The following NFYA variants were observed in gnomAD, a reference collection of about 807,000 sequenced individuals.
NFYA encodes the protein nuclear transcription factor Y subunit alpha, also known as CAAT-box DNA binding protein subunit A.
Under a neutral mutation model 52.8 loss-of-function variants are expected in NFYA, and 28 were observed. That is an observed-to-expected ratio of 0.53 (90% CI 0.39 to 0.73). The LOEUF (loss-of-function observed/expected upper bound fraction) is 0.73. NFYA is among the 30% of genes least tolerant of loss of function. NFYA has a pLI of 0.00. For missense variants in NFYA, 234 were observed against 427.0 expected (o/e 0.55, Z 3.98); for synonymous variants, 150 against 150.7 (o/e 1.00, Z 0.03).
At position 41,084,102 on chromosome 6, in the gene NFYA, T is replaced by C. The variant is rs774699992; in HGVS notation, c.219T>C (p.Thr73=). The change falls in exon 4 of 10, where the codon ACT becomes ACC. Residue 73 remains threonine, a synonymous_variant. Transcript: ENST00000341376. ...GTGGAGGCCAGCTAATCACATCAACTGGCCAACCCATCATGGTCCAGGCTG... is the reference window on the plus strand; with the variant it reads ...GTGGAGGCCAGCTAATCACATCAACCGGCCAACCCATCATGGTCCAGGCTG... The part of the protein sequence containing the change: ...QVSGGQLITS[T]GQPIMVQAVP... 1 of 1,614,184 alleles carries C rather than the reference T, an allele frequency of 6.2e-7. No individual in the cohort carries two copies. The highest frequency in any genetic ancestry group is 8.5e-7 in the Non-Finnish European group (1 of 1,180,028).
In NFYA at chr6:41,079,014, C is replaced by G; in HGVS notation, c.-61-15C>G. 7.5e-7 allele frequency: 1 copy of G among 1,342,186 alleles called. No individual in the cohort carries two copies. Among genetic ancestry groups the G allele is most frequent in the Non-Finnish European group, 1.1e-6 (1 of 946,238 alleles). The allele number at this position is 1,342,186 out of a possible 1,614,324, so 83.1% of individuals were successfully genotyped here. On this transcript the variant is annotated splice_polypyrimidine_tract_variant and intron_variant, in intron 1 of 9. Transcript: ENST00000341376. The stretch of plus-strand genomic sequence containing the variant: ...GACAATCTCACTTTAGTTTCTTTCC[C>G]CACCTTTCTAACAGGAGTGTACCTC...
chr6:41,084,651 T>C (rs1763992938), intron 4 of NFYA, among the ~76,000 whole-genome samples: 2 of 152,266 alleles, frequency 1.3e-5, no homozygotes, highest in South Asian at 4.1e-4. Flanking sequence ...AAAACAAAAG[T>C]AAGCAAAGAT....
chr6:41,083,057 A>G (rs946442113), intron 3 of NFYA, among the ~76,000 whole-genome samples: 2 of 152,252 alleles, frequency 1.3e-5, no homozygotes, highest in African/African-American at 4.8e-5. Context: ...TATTTCAGTC[A>G]TGAATATTCT....
chr6:41,079,962 C>T (rs1474937401), intron 2 of NFYA, among the ~76,000 whole-genome samples: 1 of 152,208 alleles, frequency 6.6e-6, no homozygotes, highest in Admixed American at 6.5e-5. Context: ...CCCTTCCATA[C>T]AGCTGCTGTG....
chr6:41,082,891 A>T (rs754162058), intron 3 of NFYA, among the ~76,000 whole-genome samples: 6 of 152,186 alleles, frequency 3.9e-5, no homozygotes, highest in Non-Finnish European at 8.8e-5. Flanking sequence ...TTAGGATTTC[A>T]ATGTTCCTGG....
intron 4 of NFYA, 95 bp downstream of exon 4, chr6:41,084,287 A>G: frequency 7.2e-7 from 1 of 1,396,118 alleles, no homozygotes. Context: ...ATTGCATTTA[A>G]CTGCTTCCTA....
At chr6:41,094,353 C>T (rs1764289273) in intron 8 of NFYA, 43 bp from the exon 9 acceptor site, 19 of 1,543,300 alleles carry the variant, frequency 1.2e-5, no homozygotes, top group Non-Finnish European at 1.5e-5. Flanking sequence ...TGTGCTGGTT[C>T]TGGATAGTAT....
rs1297961703 is a variant in NFYA at position 41,101,412 on chromosome 6, T to C, written c.*4002T>C. 6.6e-6 allele frequency among the ~76,000 whole-genome samples: 1 copy of C among 152,240 alleles called. No individual in the cohort carries two copies. Among genetic ancestry groups the C allele is most frequent in the African/African-American group, 2.4e-5 (1 of 41,470 alleles). On this transcript the variant is annotated 3_prime_UTR_variant, in exon 10 of 10. Coordinates refer to ENST00000341376, the MANE Select transcript of NFYA (RefSeq NM_002505.5). ...GTCCTTGAGCTCACCCCAAAGATGA[T>C]GAAATTGAAACTCAGAGGAAAGGAT...
rs377025247 is a variant in NFYA, at chr6:41,091,610, C to T, written c.630C>T (p.Thr210=). ...AGATTGTTCAAACAGGAGCCAATAC[C>T]AACACAACCAGCAGTGGGCAAGGGA... ...GAQIVQTGAN[T]NTTSSGQGTV... Residue 210 remains threonine, a synonymous_variant, in exon 7 of 10, where the codon ACC becomes ACT. Transcript: ENST00000341376. 8 of 1,614,174 alleles carry T rather than the reference C, an allele frequency of 5.0e-6. No individual in the cohort carries two copies. The highest frequency in any genetic ancestry group is 6.8e-6 in the Non-Finnish European group (8 of 1,180,018).
At position 41,097,995 on chromosome 6, in the gene NFYA, G is replaced by T. The variant is rs1764407651; in HGVS notation, c.*585G>T. ...GAATTCCTCTCTGCCCAGATGGTAG[G>T]TTGATATTTCTGGACTCTAGCCAAG... On this transcript the variant is annotated 3_prime_UTR_variant, in exon 10 of 10. Transcript: ENST00000341376. 6.5e-6 allele frequency: 1 copy of T among 152,690 alleles called. No homozygotes were observed. The highest frequency in any genetic ancestry group is 1.5e-5 in the Non-Finnish European group (1 of 68,100). 9.5% of individuals were successfully genotyped at this position (152,690 alleles called of 1,614,324 possible).
chr6:41,078,734 G>A (rs111463876), intron 1 of NFYA, among the ~76,000 whole-genome samples: 3 of 152,170 alleles, frequency 2.0e-5, no homozygotes, highest in African/African-American at 7.2e-5. Flanking sequence ...GGTATGCCTT[G>A]TATCAAAGTG....
chr6:41,083,000 C>T (rs1277292619), intron 3 of NFYA, among the ~76,000 whole-genome samples: 2 of 152,166 alleles, frequency 1.3e-5, no homozygotes, highest in Non-Finnish European at 2.9e-5. Context: ...ACAGAATGAT[C>T]TGTTAACTAA....
At chr6:41,093,702 C>G (rs764372774) in intron 8 of NFYA, among the ~76,000 whole-genome samples, 11 of 152,198 alleles carry the variant, frequency 7.2e-5, no homozygotes, top group Non-Finnish European at 1.2e-4. Flanking sequence ...AACTCCTGAC[C>G]TCAGGTGATC....
At chr6:41,084,823 G>A (rs570089502) in intron 4 of NFYA, among the ~76,000 whole-genome samples, 24 of 152,312 alleles carry the variant, frequency 1.6e-4, no homozygotes, top group African/African-American at 4.6e-4. Flanking sequence ...TTAGCCGGGC[G>A]TGGTGGCACG....
chr6:41,076,563 A>C (rs1182345080), intron 1 of NFYA, among the ~76,000 whole-genome samples: 2 of 152,216 alleles, frequency 1.3e-5, no homozygotes, highest in African/African-American at 2.4e-5. Context: ...TGGTTGGCTA[A>C]GTCTCAGCTT....
intron 2 of NFYA, 58 bp downstream of exon 2, chr6:41,079,222 C>T: frequency 6.6e-7 from 1 of 1,513,838 alleles, no homozygotes; most frequent in Non-Finnish European, 9.2e-7. Context: ...CAGCACCACT[C>T]AATTGGTTGG....
At chr6:41,084,266 T>A (rs2113801045) in intron 4 of NFYA, 74 bp downstream of exon 4, 4 of 1,493,978 alleles carry the variant, frequency 2.7e-6, no homozygotes, top group South Asian at 2.6e-5. Context: ...ACAACCTATT[T>A]GATAATTGAT....
chr6:41,088,873 A>G (rs1393894799), intron 4 of NFYA, among the ~76,000 whole-genome samples: 4 of 152,086 alleles, frequency 2.6e-5, no homozygotes, highest in Non-Finnish European at 4.4e-5. Context: ...AAGCCATTGT[A>G]CCCGGCTTTC....
intron 8 of NFYA, among the ~76,000 whole-genome samples, chr6:41,094,128 T>C (rs967087159): frequency 2.6e-5 from 4 of 152,178 alleles, no homozygotes; most frequent in Non-Finnish European, 4.4e-5. Flanking sequence ...AAAGTGTATA[T>C]ATTGTGAAGT....
Sources: gnomAD v4.1 joint callset for allele counts (sites outside exome capture counted in the v4.1 genomes callset) on GRCh38, gnomAD v4.1.1 for gene constraint, MANE v1.5 for transcripts, NCBI Gene and HGNC (gene_info 2026-07-23, HGNC 2026-07-21) for gene names.